The following MYO16 variants were observed in gnomAD, a reference collection of about 807,000 sequenced individuals.
MYO16 encodes the protein myosin XVI, also known as unconventional myosin-XVI.
In MYO16, 94 loss-of-function variants were observed where a neutral mutation model predicts 205.3. The ratio of observed to expected loss-of-function variants is 0.46; its 90% CI spans 0.39 to 0.54. The LOEUF (loss-of-function observed/expected upper bound fraction) is 0.54, where lower values mean the gene tolerates loss of function less well. Ranked by LOEUF, MYO16 falls within the 20% of genes least tolerant of loss-of-function variation. The pLI, the probability that MYO16 is intolerant of heterozygous loss-of-function variation, is 0.00. For missense variants in MYO16, 2,315 were observed against 2,387.5 expected, an observed-to-expected ratio of 0.97 and a Z score of 0.63; for synonymous variants, 988 against 954.0, an observed-to-expected ratio of 1.04 and a Z score of -0.66.
At chr13:108,677,301 A>C (rs142279333) in intron 2 of MYO16, among the ~76,000 whole-genome samples, 1 of 148,948 alleles carries the variant, frequency 6.7e-6, no homozygotes, top group African/African-American at 2.5e-5. Context: ...AGAACCCATA[A>C]GGTGCACATG....
intron 4 of MYO16, among the ~76,000 whole-genome samples, chr13:108,777,366 G>A (rs982454942): frequency 1.3e-5 from 2 of 152,130 alleles, no homozygotes; most frequent in East Asian, 1.9e-4. Context: ...ACAAAGGCGG[G>A]GGGTAAAGAT....
chr13:109,048,218 A>C (rs1333316394), intron 24 of MYO16: 2 of 538,046 alleles, frequency 3.7e-6, no homozygotes, highest in Non-Finnish European at 6.9e-6. Flanking sequence ...GAATGAAAAT[A>C]TGATGGCTAG....
At chr13:108,917,120 C>T (rs550246294) in intron 16 of MYO16, among the ~76,000 whole-genome samples, 1 of 152,296 alleles carries the variant, frequency 6.6e-6, no homozygotes, top group South Asian at 2.1e-4. Flanking sequence ...CGCACACACA[C>T]ACATCAGTTT....
chr13:109,040,576 TAATC>T (rs1388359132), intron 23 of MYO16, among the ~76,000 whole-genome samples: 1 of 152,018 alleles, frequency 6.6e-6, no homozygotes, highest in Non-Finnish European at 1.5e-5. Context: ...TCTATCAAGG[TAATC>T]AATCACATCA....
chr13:109,095,287 G>A (rs1468207143), intron 27 of MYO16, among the ~76,000 whole-genome samples: 2 of 152,228 alleles, frequency 1.3e-5, no homozygotes, highest in African/African-American at 4.8e-5. Context: ...CGCTGGGACA[G>A]TGTGGGGAGT....
chr13:108,558,472 T>A, the MYO16 span, among the ~76,000 whole-genome samples: 1 of 152,228 alleles, frequency 6.6e-6, no homozygotes, highest in African/African-American at 2.4e-5. Context: ...GACTGTGTCT[T>A]TTCACAAAAG....
chr13:108,987,459 C>G (rs942471044), intron 20 of MYO16, among the ~76,000 whole-genome samples: 3 of 152,216 alleles, frequency 2.0e-5, no homozygotes, highest in Non-Finnish European at 4.4e-5. Context: ...GGGTTCACCT[C>G]CACAGCGAGG....
intron 2 of MYO16, among the ~76,000 whole-genome samples, chr13:108,705,394 T>A (rs1401815630): frequency 6.6e-6 from 1 of 152,198 alleles, no homozygotes; most frequent in Non-Finnish European, 1.5e-5. Flanking sequence ...GTCTATGTCA[T>A]CTTGTCACAC....
chr13:108,967,721 T>C (rs1883851044), intron 20 of MYO16, among the ~76,000 whole-genome samples: 1 of 152,244 alleles, frequency 6.6e-6, no homozygotes, highest in African/African-American at 2.4e-5. Flanking sequence ...TATAATGCCG[T>C]ATATTTGCTT....
intron 34 of MYO16, among the ~76,000 whole-genome samples, chr13:109,197,868 G>A (rs771557958): frequency 3.3e-5 from 5 of 152,168 alleles, no homozygotes; most frequent in Non-Finnish European, 7.3e-5. Flanking sequence ...ATTGATGTTA[G>A]GCATGAGATT....
At chr13:108,830,857 T>C (rs1204420238) in intron 9 of MYO16, among the ~76,000 whole-genome samples, 2 of 152,222 alleles carry the variant, frequency 1.3e-5, no homozygotes, top group African/African-American at 4.8e-5. Flanking sequence ...GTGAACAATT[T>C]ATGTAGCTAT....
intron 5 of MYO16, among the ~76,000 whole-genome samples, chr13:108,786,863 G>A (rs1886473178): frequency 6.6e-6 from 1 of 152,192 alleles, no homozygotes; most frequent in African/African-American, 2.4e-5. Flanking sequence ...AGTCGTGCCT[G>A]GGCACTGTCA....
the MYO16 span, among the ~76,000 whole-genome samples, chr13:108,529,455 C>T: frequency 6.6e-6 from 1 of 152,066 alleles, no homozygotes; most frequent in Non-Finnish European, 1.5e-5. Context: ...CACAGGTCTT[C>T]CAGTGTTTTG....
intron 8 of MYO16, among the ~76,000 whole-genome samples, chr13:108,821,041 T>G (rs1427153864): frequency 1.3e-5 from 2 of 151,954 alleles, no homozygotes; most frequent in East Asian, 3.8e-4. Context: ...TTACTATTCA[T>G]AATTATTTTT....
At chr13:108,509,978 G>A in the MYO16 span, among the ~76,000 whole-genome samples, 17 of 152,260 alleles carry the variant, frequency 1.1e-4, no homozygotes, top group Non-Finnish European at 2.2e-4. Context: ...AGTTGAGTAC[G>A]TTGAGTGAGA....
intron 4 of MYO16, among the ~76,000 whole-genome samples, chr13:108,763,276 T>C (rs1023381302): frequency 2.0e-5 from 3 of 152,182 alleles, no homozygotes; most frequent in African/African-American, 7.2e-5. Context: ...TTTCTACAAA[T>C]ATTTTTATGC....
intron 20 of MYO16, among the ~76,000 whole-genome samples, chr13:108,974,764 A>G (rs550882128): frequency 6.6e-6 from 1 of 152,148 alleles, no homozygotes; most frequent in Non-Finnish European, 1.5e-5. Context: ...ATTTTATAAG[A>G]TTATTTTTAA....
intron 16 of MYO16, among the ~76,000 whole-genome samples, chr13:108,919,571 A>T (rs1301786754): frequency 6.6e-6 from 1 of 152,172 alleles, no homozygotes; most frequent in African/African-American, 2.4e-5. Context: ...CTGAGTAAAG[A>T]TGTTTGCTTG....
chr13:109,067,738 C>T (rs1887798224), intron 27 of MYO16, among the ~76,000 whole-genome samples: 1 of 152,152 alleles, frequency 6.6e-6, no homozygotes, highest in Non-Finnish European at 1.5e-5. Context: ...TCCTGGACTG[C>T]AGCCAGTCCC....
Sources: gnomAD v4.1 joint callset for allele counts (sites outside exome capture counted in the v4.1 genomes callset) on GRCh38, gnomAD v4.1.1 for gene constraint, MANE v1.5 for transcripts, NCBI Gene and HGNC (gene_info 2026-07-23, HGNC 2026-07-21) for gene names.